The following STARD13 variants were observed in gnomAD, a reference collection of about 807,000 sequenced individuals.
STARD13 encodes the protein StAR related lipid transfer domain containing 13.
Under a neutral mutation model 106.4 loss-of-function variants are expected in STARD13, and 62 were observed. That is an observed-to-expected ratio of 0.58 (90% CI 0.48 to 0.72). The LOEUF is 0.72. Ranked by LOEUF, STARD13 falls within the 30% of genes least tolerant of loss-of-function variation. The pLI, the probability that STARD13 is intolerant of heterozygous loss-of-function variation, is 0.00. For missense variants in STARD13, 1,387 were observed against 1,424.0 expected (o/e 0.97, Z 0.42); for synonymous variants, 565 against 553.0 (o/e 1.02, Z -0.31).
chr13:33,259,613 A>G (rs1406804329), intron 1 of STARD13, among the ~76,000 whole-genome samples: 1 of 152,220 alleles, frequency 6.6e-6, no homozygotes, highest in African/African-American at 2.4e-5. Flanking sequence ...TCAAAAGATC[A>G]AGAGCAAAGG....
At chr13:33,665,555 T>G in the STARD13 span, among the ~76,000 whole-genome samples, 1 of 152,228 alleles carries the variant, frequency 6.6e-6, no homozygotes, top group South Asian at 2.1e-4. Context: ...TCCTGCCAGT[T>G]GCTTTGTGCT....
At chr13:33,213,897 T>G (rs1415439234) in intron 1 of STARD13, among the ~76,000 whole-genome samples, 1 of 152,208 alleles carries the variant, frequency 6.6e-6, no homozygotes, top group Non-Finnish European at 1.5e-5. Context: ...CTGCTTTAAT[T>G]AAGATGCTAA....
chr13:33,121,596 A>G (rs1037186499), intron 7 of STARD13, among the ~76,000 whole-genome samples: 2 of 151,560 alleles, frequency 1.3e-5, no homozygotes, highest in Admixed American at 6.6e-5. Context: ...TTTCCAAAGC[A>G]AGGATTTGAT....
chr13:33,551,770 G>A, the STARD13 span, among the ~76,000 whole-genome samples: 196 of 151,278 alleles, frequency 1.3e-3, 1 homozygote, highest in Admixed American at 2.4e-3. Context: ...GCTCATTTTT[G>A]TATTATTGAT....
chr13:33,467,656 T>A, the STARD13 span, among the ~76,000 whole-genome samples: 1 of 152,288 alleles, frequency 6.6e-6, no homozygotes, highest in South Asian at 2.1e-4. Flanking sequence ...AATAATGGCG[T>A]GGTGACCAGT....
At chr13:33,531,683 G>A in the STARD13 span, among the ~76,000 whole-genome samples, 1 of 152,152 alleles carries the variant, frequency 6.6e-6, no homozygotes, top group Non-Finnish European at 1.5e-5. Context: ...CATAGAGATA[G>A]AAAGGGAGAG....
chr13:33,641,057 A>G, the STARD13 span, among the ~76,000 whole-genome samples: 1 of 152,214 alleles, frequency 6.6e-6, no homozygotes, highest in Non-Finnish European at 1.5e-5. Context: ...ATAGGACTAG[A>G]CACAAAGGGT....
intron 1 of STARD13, among the ~76,000 whole-genome samples, chr13:33,234,416 G>T (rs1296647461): frequency 6.6e-6 from 1 of 152,162 alleles, no homozygotes; most frequent in East Asian, 1.9e-4. Context: ...CATGCCATCT[G>T]CTCTCTTCCA....
At chr13:33,262,637 A>G (rs971436695) in intron 1 of STARD13, among the ~76,000 whole-genome samples, 1 of 103,082 alleles carries the variant, frequency 9.7e-6, no homozygotes, top group African/African-American at 3.9e-5. Context: ...CCACACCCAG[A>G]ACCCCCCCCC....
intron 1 of STARD13, among the ~76,000 whole-genome samples, chr13:33,263,982 A>G (rs1287107856): frequency 1.3e-5 from 2 of 152,208 alleles, no homozygotes; most frequent in Non-Finnish European, 2.9e-5. Context: ...CTAGATCATA[A>G]AAAGTCACAC....
chr13:33,635,036 T>C, the STARD13 span, among the ~76,000 whole-genome samples: 55 of 152,348 alleles, frequency 3.6e-4, 2 homozygotes, highest in South Asian at 0.011. Context: ...ATTCAGGTCT[T>C]TTTAAAGGCA....
the STARD13 span, among the ~76,000 whole-genome samples, chr13:33,593,991 C>G: frequency 6.6e-6 from 1 of 152,162 alleles, no homozygotes; most frequent in African/African-American, 2.4e-5. Context: ...ACTGCAAGCT[C>G]TGTCTCCCGG....
chr13:33,331,501 C>T (rs1006581635), intron 1 of STARD13, among the ~76,000 whole-genome samples: 20 of 149,844 alleles, frequency 1.3e-4, no homozygotes, highest in Admixed American at 4.0e-4. Flanking sequence ...TACAGGCATG[C>T]GCCACCATGC....
intron 1 of STARD13, among the ~76,000 whole-genome samples, chr13:33,269,936 C>T (rs965709757): frequency 3.9e-5 from 6 of 151,934 alleles, no homozygotes; most frequent in East Asian, 3.9e-4. Flanking sequence ...ATTTGTGAAC[C>T]GAATAAAAAC....
At position 33,106,839 on chromosome 13, in the gene STARD13, A is replaced by G; in HGVS notation, c.3143T>C (p.Val1048Ala). 6.2e-7 allele frequency: 1 copy of G among 1,614,156 alleles called. No homozygotes were observed. Among genetic ancestry groups the G allele is most frequent in the South Asian group, 1.1e-5 (1 of 91,082 alleles). The stretch of plus-strand genomic sequence containing the variant: ...TATCAAGTACTGCGAGTCCATCACC[A>G]CTGCTCGCACACCACCCAGGAGCTG... ...EAQLLGGVRA[V>A]VMDSQYLIEP... is the part of the protein sequence containing the mutation. Residue 1048 changes from valine (V) to alanine (A), a missense_variant, in exon 13 of 14, where the codon GTG becomes GCG. Val to Ala is a moderately conservative substitution (Grantham distance 64). Transcript: ENST00000336934.
chr13:33,277,769 T>C lies in STARD13; in HGVS notation c.169+7701A>G, dbSNP rs143787904. On this transcript the variant is annotated intron_variant, in intron 1 of 13. Coordinates refer to ENST00000336934, the MANE Select transcript of STARD13 (RefSeq NM_178006.4). ...CAACAGTACCTATCTTGTAGAGTTATTTGAGGAATGGTTGTATTCTTGATG... is the reference window on the plus strand; with the variant it reads ...CAACAGTACCTATCTTGTAGAGTTACTTGAGGAATGGTTGTATTCTTGATG... 5.3e-5 allele frequency: 8 copies of C among 152,274 alleles called. No individual in the cohort carries two copies. In the East Asian group the frequency reaches 1.5e-3, roughly 29 times the overall value. The allele number at this position is 152,274 out of a possible 1,614,324, so 9.4% of individuals were successfully genotyped here. A position where few individuals can be genotyped will look rare whatever the true frequency, so the allele number is the denominator to read the frequency against.
chr13:33,131,255 C>T (rs1297235537), intron 4 of STARD13, among the ~76,000 whole-genome samples: 2 of 152,182 alleles, frequency 1.3e-5, no homozygotes, highest in African/African-American at 4.8e-5. Context: ...TCACCAAGAC[C>T]TAATTCTGAA....
At chr13:33,297,104 C>T (rs1016974310) in intron 1 of STARD13, among the ~76,000 whole-genome samples, 1 of 152,210 alleles carries the variant, frequency 6.6e-6, no homozygotes, top group African/African-American at 2.4e-5. Flanking sequence ...GATACAGAGA[C>T]TCCTGAGATT....
the STARD13 span, among the ~76,000 whole-genome samples, chr13:33,612,259 A>C: frequency 6.6e-6 from 1 of 152,154 alleles, no homozygotes; most frequent in South Asian, 2.1e-4. Flanking sequence ...AAAATTAGGA[A>C]AGTCACCCCT....
Sources: gnomAD v4.1 joint callset for allele counts (sites outside exome capture counted in the v4.1 genomes callset) on GRCh38, gnomAD v4.1.1 for gene constraint, MANE v1.5 for transcripts, NCBI Gene and HGNC (gene_info 2026-07-23, HGNC 2026-07-21) for gene names.